SEC24D: variants seen among roughly 807,000 people sequenced by gnomAD.
SEC24D encodes protein transport protein Sec24D.
SEC24D carries 69 observed loss-of-function variants against 116.9 expected under a neutral mutation model. The observed-to-expected ratio is 0.59, with a 90% CI of 0.49 to 0.72. The LOEUF is 0.72. Among genes scored for constraint, SEC24D ranks in the 30% least tolerant of loss-of-function variants. SEC24D has a pLI of 0.00. For synonymous variants in SEC24D, 405 were observed against 442.8 expected (o/e 0.91, Z 1.07); for missense variants, 1,131 against 1,264.1 (o/e 0.89, Z 1.60).
At chr4:118,731,144 TA>T in intron 21 of SEC24D, 171 bp downstream of exon 21, 4 of 620,938 alleles carry the variant, frequency 6.4e-6, no homozygotes, top group Non-Finnish European at 1.1e-5. Context: ...TCTATACAAA[TA>T]ACTTTATACC....
At chr4:118,794,406 C>T (rs977910153) in intron 8 of SEC24D, among the ~76,000 whole-genome samples, 1 of 152,104 alleles carries the variant, frequency 6.6e-6, no homozygotes, top group South Asian at 2.1e-4. Context: ...GGGGTTTTTG[C>T]TAGTAGATAA....
chr4:118,777,096 T>C (rs1362557529), intron 8 of SEC24D, among the ~76,000 whole-genome samples: 2 of 77,344 alleles, frequency 2.6e-5, no homozygotes, highest in Non-Finnish European at 7.4e-5. Flanking sequence ...GTCTGAATTA[T>C]TTATTTATTT....
intron 8 of SEC24D, among the ~76,000 whole-genome samples, chr4:118,794,305 T>C (rs1468756950): frequency 6.6e-6 from 1 of 152,188 alleles, no homozygotes; most frequent in Non-Finnish European, 1.5e-5. Flanking sequence ...GGTTCCAGAC[T>C]CTAGTTTTGG....
intron 7 of SEC24D, among the ~76,000 whole-genome samples, chr4:118,804,010 T>C (rs568942113): frequency 1.6e-4 from 25 of 152,308 alleles, no homozygotes; most frequent in African/African-American, 5.8e-4. Context: ...TCTGGATGTA[T>C]GCATGAATGA....
intron 3 of SEC24D, among the ~76,000 whole-genome samples, chr4:118,818,257 G>A (rs1491000822): frequency 2.0e-5 from 3 of 152,068 alleles, no homozygotes; most frequent in African/African-American, 4.8e-5. Flanking sequence ...TTCCCAAATG[G>A]TATACTCTGA....
At chr4:118,756,832 T>G (rs1287969364) in intron 11 of SEC24D, among the ~76,000 whole-genome samples, 1 of 152,098 alleles carries the variant, frequency 6.6e-6, no homozygotes, top group African/African-American at 2.4e-5. Flanking sequence ...TAGCCACGTT[T>G]GATATTAGTT....
In SEC24D at chr4:118,813,583, A is replaced by T. The variant is rs1578465976; in HGVS notation, c.801+1445T>A. Among the ~76,000 whole-genome samples the T allele has an allele frequency of 2.0e-5, 3 of 152,200 alleles. 1 individual carries two copies. The highest frequency in any genetic ancestry group is 3.9e-4 in the East Asian group (2 of 5,174). On this transcript the variant is annotated intron_variant, in intron 6 of 22. Coordinates refer to ENST00000280551, the MANE Select transcript of SEC24D (RefSeq NM_014822.4). ...AGTTCCACTCCCATGATAACCTATT[A>T]ATCCATTAACCCACTAATCCATGAA...
At chr4:118,775,449 G>C (rs530522037) in intron 8 of SEC24D, among the ~76,000 whole-genome samples, 19 of 152,106 alleles carry the variant, frequency 1.2e-4, no homozygotes, top group African/African-American at 3.6e-4. Context: ...CACTGAGAGA[G>C]AGAAAGAATT....
intron 1 of SEC24D, among the ~76,000 whole-genome samples, chr4:118,835,678 A>T (rs1400623477): frequency 1.3e-5 from 2 of 152,234 alleles, no homozygotes; most frequent in Non-Finnish European, 2.9e-5. Context: ...GGATCCTAAC[A>T]AGGCAGTTCC....
intron 7 of SEC24D, among the ~76,000 whole-genome samples, chr4:118,803,251 T>C (rs2110511660): frequency 6.6e-6 from 1 of 152,270 alleles, no homozygotes; most frequent in South Asian, 2.1e-4. Context: ...GTTAAAATAA[T>C]AAATTTTATG....
chr4:118,800,258 G>A (rs954780729), intron 7 of SEC24D, among the ~76,000 whole-genome samples: 1 of 152,188 alleles, frequency 6.6e-6, no homozygotes, highest in African/African-American at 2.4e-5. Context: ...TAAGGAGAGT[G>A]GAAAAGTGAA....
At chr4:118,800,332 G>A (rs953333362) in intron 7 of SEC24D, among the ~76,000 whole-genome samples, 3 of 152,148 alleles carry the variant, frequency 2.0e-5, no homozygotes, top group East Asian at 1.9e-4. Flanking sequence ...CGATTGTGGC[G>A]GGGTTGTGAG....
chr4:118,833,291 A>G (rs1730952953), intron 2 of SEC24D: 1 of 249,442 alleles, frequency 4.0e-6, no homozygotes. Flanking sequence ...AATGTTTACA[A>G]TAGCCTTACA....
At chr4:118,813,739 T>C (rs886225240) in intron 6 of SEC24D, among the ~76,000 whole-genome samples, 3 of 152,248 alleles carry the variant, frequency 2.0e-5, no homozygotes, top group Non-Finnish European at 4.4e-5. Context: ...TGCCAACATA[T>C]TGATTTTGGA....
At chr4:118,835,008 GGAAGGGGAGA>G (rs1326638066) in intron 1 of SEC24D, among the ~76,000 whole-genome samples, 1 of 152,122 alleles carries the variant, frequency 6.6e-6, no homozygotes, top group Non-Finnish European at 1.5e-5. Flanking sequence ...CCTTCTCCTG[GGAAGGGGAGA>G]ACTGAAAAAG....
intron 11 of SEC24D, among the ~76,000 whole-genome samples, chr4:118,753,516 T>C (rs1449777796): frequency 6.6e-6 from 1 of 152,054 alleles, no homozygotes; most frequent in Non-Finnish European, 1.5e-5. Context: ...ATGATGGTCA[T>C]GGCAAAGCAC....
At chr4:118,785,634 G>C (rs1391495334) in intron 8 of SEC24D, among the ~76,000 whole-genome samples, 3 of 152,164 alleles carry the variant, frequency 2.0e-5, no homozygotes, top group Admixed American at 1.3e-4. Context: ...TTATGTTATG[G>C]TGATGCTTAT....
chr4:118,754,771 A>G (rs1727004056), intron 11 of SEC24D, among the ~76,000 whole-genome samples: 1 of 152,156 alleles, frequency 6.6e-6, no homozygotes, highest in African/African-American at 2.4e-5. Context: ...AGCTAACACT[A>G]CAAATTAAGG....
intron 22 of SEC24D, among the ~76,000 whole-genome samples, chr4:118,727,857 G>T (rs1248574202): frequency 6.6e-6 from 1 of 152,050 alleles, no homozygotes; most frequent in Admixed American, 6.6e-5. Context: ...TCACAGTTAC[G>T]AATGTTGGTT....
Sources: allele counts gnomAD v4.1 joint callset (sites outside exome capture counted in the v4.1 genomes callset), GRCh38; gene constraint gnomAD v4.1.1; transcripts MANE v1.5; gene names NCBI Gene and HGNC (gene_info 2026-07-23, HGNC 2026-07-21).